Variants in ARFRP1 observed in about 807,000 individuals in gnomAD.
ARFRP1 encodes ADP-ribosylation factor-related protein 1.
Under a neutral mutation model 30.3 loss-of-function variants are expected in ARFRP1, and 19 were observed. That is an observed-to-expected ratio of 0.63 (90% CI 0.44 to 0.92). The LOEUF (loss-of-function observed/expected upper bound fraction) is 0.92. Among genes scored for constraint, ARFRP1 ranks in the 40% least tolerant of loss-of-function variants. The pLI, the probability that ARFRP1 is intolerant of heterozygous loss-of-function variation, is 0.00. For synonymous variants in ARFRP1, 133 were observed against 114.2 expected (o/e 1.16, Z -1.05); for missense variants, 245 against 267.5 (o/e 0.92, Z 0.59).
intron 6 of ARFRP1, chr20:63,701,489 A>G (rs1001956350): frequency 3.2e-5 from 16 of 498,566 alleles, no homozygotes; most frequent in Non-Finnish European, 6.1e-5. Context: ...CCAGGGCCCC[A>G]GCATCACTTC....
intron 3 of ARFRP1, 38 bp from the exon 4 acceptor site, chr20:63,706,477 G>T (rs749932216): frequency 1.3e-6 from 2 of 1,596,518 alleles, no homozygotes; most frequent in Non-Finnish European, 1.7e-6. Flanking sequence ...TCATGACCTT[G>T]GTCCTCGACA....
At chr20:63,706,839 G>C (rs1156939126) in intron 2 of ARFRP1, 101 bp from the exon 3 acceptor site, 26 of 1,294,228 alleles carry the variant, frequency 2.0e-5, no homozygotes, top group Admixed American at 5.1e-5. Flanking sequence ...AACAGAAACA[G>C]AGCAACACTC....
At chr20:63,703,414 C>T (rs1835275044) in intron 4 of ARFRP1, 1 of 152,366 alleles carries the variant, frequency 6.6e-6, no homozygotes, top group African/African-American at 2.4e-5. Context: ...GGCCAGGCCC[C>T]CCCACCCCCA....
Position 63,698,703 on chromosome 20 carries a change from C to G in ARFRP1, c.*1740G>C. 9.0e-7 allele frequency: 1 copy of G among 1,107,064 alleles called. No homozygotes were observed. The highest frequency in any genetic ancestry group is 1.2e-6 in the Non-Finnish European group (1 of 833,850). The allele number at this position is 1,107,064 out of a possible 1,614,324, so 68.6% of individuals were successfully genotyped here. On this transcript the variant is annotated 3_prime_UTR_variant, in exon 8 of 8. Coordinates refer to ENST00000622789, the MANE Select transcript of ARFRP1 (RefSeq NM_001267547.3). ...CATAAAACTGGTTGTAGTTGCACAG[C>G]TACTGGGAGGGCAGCCGGGGACACC...
chr20:63,698,683 A>C lies in ARFRP1; in HGVS notation c.*1760T>G. The C allele has an allele frequency of 1.6e-6, 2 of 1,239,884 alleles. No individual in the cohort carries two copies. The highest frequency in any genetic ancestry group is 1.1e-6 in the Non-Finnish European group (1 of 950,420). 76.8% of individuals were successfully genotyped at this position (1,239,884 alleles called of 1,614,324 possible). On this transcript the variant is annotated 3_prime_UTR_variant, in exon 8 of 8. Transcript: ENST00000622789. The stretch of plus-strand genomic sequence containing the variant: ...TTATTTTTATAAAGCTTTTTCATAA[A>C]ACTGGTTGTAGTTGCACAGCTACTG...
chr20:63,702,229 C>T lies in ARFRP1; in HGVS notation c.265-12G>A. ...CACTCCGCATAATACTGGGAGGAAG[C>T]ACCAGGAGTTGGGGCTCAGTCCCCA... On this transcript the variant is annotated splice_polypyrimidine_tract_variant and intron_variant, in intron 4 of 7. Coordinates refer to ENST00000622789, the MANE Select transcript of ARFRP1 (RefSeq NM_001267547.3). 6.2e-7 allele frequency: 1 copy of T among 1,610,348 alleles called. No individual in the cohort carries two copies. Among genetic ancestry groups the T allele is most frequent in the Non-Finnish European group, 8.5e-7 (1 of 1,178,672 alleles).
intron 6 of ARFRP1, chr20:63,701,470 TGACTCCCACCA>T: frequency 2.1e-6 from 1 of 479,046 alleles, no homozygotes; most frequent in Non-Finnish European, 4.1e-6. Flanking sequence ...GGGTCAGAGC[TGACTCCCACCA>T]GGGCCCCAGC....
intron 6 of ARFRP1, chr20:63,700,921 C>T: frequency 1.6e-6 from 1 of 631,670 alleles, no homozygotes; most frequent in Non-Finnish European, 2.7e-6. Context: ...TAGACGTCCA[C>T]ACGGCTCCAA....
intron 3 of ARFRP1, 55 bp downstream of exon 3, chr20:63,706,596 A>G (rs1187378127): frequency 6.5e-7 from 1 of 1,538,102 alleles, no homozygotes; most frequent in African/African-American, 1.4e-5. Flanking sequence ...CTGGACTGTG[A>G]ATATCACGGC....
chr20:63,704,181 G>C (rs1391797764), intron 4 of ARFRP1: 1 of 150,978 alleles, frequency 6.6e-6, no homozygotes, highest in African/African-American at 2.4e-5. Flanking sequence ...CCTTTCTGTG[G>C]TGCTGGCTCT....
chr20:63,701,722 C>T, intron 6 of ARFRP1, 108 bp downstream of exon 6: 1 of 1,041,064 alleles, frequency 9.6e-7, no homozygotes. Context: ...CTCTGTACCC[C>T]CTGGGCAGTC....
At chr20:63,705,683 C>A in intron 4 of ARFRP1, 1 of 533,198 alleles carries the variant, frequency 1.9e-6, no homozygotes, top group Non-Finnish European at 3.8e-6. Flanking sequence ...CTGGTCTTTG[C>A]CATTTCTGTG....
rs1352396030 is a variant in ARFRP1, at chr20:63,702,222, G to A, written c.265-5C>T. On this transcript the variant is annotated splice_region_variant and splice_polypyrimidine_tract_variant and intron_variant, in intron 4 of 7. Coordinates refer to ENST00000622789, the MANE Select transcript of ARFRP1 (RefSeq NM_001267547.3). ...GCCGTGACACTCCGCATAATACTGG[G>A]AGGAAGCACCAGGAGTTGGGGCTCA... 1.9e-6 allele frequency: 3 copies of A among 1,611,318 alleles called. No homozygotes were observed. Among genetic ancestry groups the A allele is most frequent in the Non-Finnish European group, 2.5e-6 (3 of 1,179,416 alleles).
intron 4 of ARFRP1, chr20:63,704,982 T>C (rs1758206): frequency 0.93 from 142,203 of 152,692 alleles, 66,244 homozygotes; most frequent in East Asian, 0.99. Context: ...CACAGCTCTG[T>C]GGATCCTGCT....
rs1437736302 is a variant in ARFRP1, at chr20:63,698,931, G to A, written c.*1512C>T. 1 of 184,230 alleles carries A rather than the reference G, an allele frequency of 5.4e-6. No individual in the cohort carries two copies. The highest frequency in any genetic ancestry group is 1.1e-5 in the Non-Finnish European group (1 of 89,846). The allele number at this position is 184,230 out of a possible 1,614,324, so 11.4% of individuals were successfully genotyped here. On this transcript the variant is annotated 3_prime_UTR_variant, in exon 8 of 8. Coordinates refer to ENST00000622789, the MANE Select transcript of ARFRP1 (RefSeq NM_001267547.3). The stretch of plus-strand genomic sequence containing the variant: ...GAGGGTATCATTGCTGGAAGAACAG[G>A]ATGGGGCTCAGGCCAGCCCTAGTCG...
chr20:63,706,959 A>G, intron 2 of ARFRP1, 40 bp downstream of exon 2: 1 of 1,609,044 alleles, frequency 6.2e-7, no homozygotes, highest in African/African-American at 1.3e-5. Flanking sequence ...GGGCGCCGCC[A>G]GGCCGTGGGA....
chr20:63,704,519 AG>A (rs1222998826), intron 4 of ARFRP1: 13 of 152,224 alleles, frequency 8.5e-5, no homozygotes, highest in Admixed American at 7.2e-4. Context: ...TCAGACTGCC[AG>A]GAAGTCGCAC....
rs975691728 is a variant in ARFRP1, at chr20:63,701,347, C to T, written c.417+483G>A. On this transcript the variant is annotated intron_variant, in intron 6 of 7. Transcript: ENST00000622789. ...AGCCACTCCAAGAGAACAGCTAGAACTCAGCGTGGCCAGTGCTCCCGGGGG... is the reference window on the plus strand; with the variant it reads ...AGCCACTCCAAGAGAACAGCTAGAATTCAGCGTGGCCAGTGCTCCCGGGGG... 3 of 536,148 alleles carry T rather than the reference C, an allele frequency of 5.6e-6. No homozygotes were observed. The Admixed American group carries it at 5.8e-5, about 10-fold the overall frequency. 33.2% of individuals were successfully genotyped at this position (536,148 alleles called of 1,614,324 possible).
At position 63,707,019 on chromosome 20, in the gene ARFRP1, G is replaced by A; in HGVS notation, c.73C>T (p.Leu25=). Residue 25 remains leucine (L), a synonymous_variant, in exon 2 of 8, where the codon CTG becomes TTG. Coordinates refer to ENST00000622789, the MANE Select transcript of ARFRP1 (RefSeq NM_001267547.3). ...CTCACCGTCTTCCCAGCATTGTCCA[G>A]GCCCAGGATCAGGATGCAGTACTCG... ...KDEYCILILG[L]DNAGKTTFLE... 6.2e-7 allele frequency: 1 copy of A among 1,613,886 alleles called. No homozygotes were observed. The highest frequency in any genetic ancestry group is 1.3e-5 in the African/African-American group (1 of 75,070).
Sources: allele counts gnomAD v4.1 joint callset, GRCh38; gene constraint gnomAD v4.1.1; transcripts MANE v1.5; gene names NCBI Gene and HGNC (gene_info 2026-07-23, HGNC 2026-07-21).